Variants in USH2A observed in about 807,000 individuals in gnomAD.
USH2A encodes Usher syndrome 2A (autosomal recessive, mild).
A neutral mutation model predicts 538.9 loss-of-function variants in USH2A; 443 were observed. That is an observed-to-expected ratio of 0.82 (90% CI 0.76 to 0.89). The LOEUF (loss-of-function observed/expected upper bound fraction) is 0.89, where lower values mean the gene tolerates loss of function less well. USH2A is among the 40% of genes least tolerant of loss of function. The pLI is 0.00. For missense variants in USH2A, 6,633 were observed against 6,324.8 expected (o/e 1.05, Z -1.65); for synonymous variants, 2,413 against 2,273.5 (o/e 1.06, Z -1.75).
At chr1:215,780,087 A>G in intron 54 of USH2A, 46 bp from the exon 55 acceptor site, 2 of 1,592,368 alleles carry the variant, frequency 1.3e-6, no homozygotes. Context: ...ATAGTGCACT[A>G]GCTATCCTGA....
At chr1:215,927,756 T>C (rs1216875255) in intron 38 of USH2A, among the ~76,000 whole-genome samples, 1 of 151,906 alleles carries the variant, frequency 6.6e-6, no homozygotes, top group East Asian at 1.9e-4. Flanking sequence ...CATGTACCCC[T>C]AAACATAATA....
At chr1:215,811,386 G>T (rs927663189) in intron 49 of USH2A, among the ~76,000 whole-genome samples, 1 of 151,940 alleles carries the variant, frequency 6.6e-6, no homozygotes, top group Non-Finnish European at 1.5e-5. Context: ...GGTGTTCAAC[G>T]TATTTTTCAC....
chr1:215,667,250 C>T (rs1468241887), intron 64 of USH2A, among the ~76,000 whole-genome samples: 1 of 152,166 alleles, frequency 6.6e-6, no homozygotes, highest in African/African-American at 2.4e-5. Context: ...TTAGAAGGTG[C>T]TTGTGATATC....
intron 37 of USH2A, among the ~76,000 whole-genome samples, chr1:215,944,448 G>GGA (rs1666710544): frequency 6.6e-6 from 1 of 151,996 alleles, no homozygotes; most frequent in Non-Finnish European, 1.5e-5. Context: ...TTTAAAGAGT[G>GGA]GAACAAAGCA....
At chr1:215,743,416 G>GTC in intron 58 of USH2A, 81 bp from the exon 59 acceptor site, 11 of 235,322 alleles carry the variant, frequency 4.7e-5, no homozygotes, top group Non-Finnish European at 5.7e-5. Flanking sequence ...GTGTGTGTGT[G>GTC]TATATATATA....
chr1:215,655,158 A>G (rs1657201611), intron 64 of USH2A, among the ~76,000 whole-genome samples: 1 of 152,166 alleles, frequency 6.6e-6, no homozygotes, highest in Non-Finnish European at 1.5e-5. Context: ...CGCTTTTTAC[A>G]CCCAATATTA....
At chr1:216,116,554 C>A (rs192030950) in intron 21 of USH2A, among the ~76,000 whole-genome samples, 8 of 152,126 alleles carry the variant, frequency 5.3e-5, no homozygotes. Flanking sequence ...CAGTGGATCC[C>A]AAGCAATTGG....
At chr1:215,836,083 T>C (rs1036697551) in intron 47 of USH2A, among the ~76,000 whole-genome samples, 1 of 152,112 alleles carries the variant, frequency 6.6e-6, no homozygotes, top group African/African-American at 2.4e-5. Flanking sequence ...GCTTAGACGT[T>C]ATTTTTAGTT....
chr1:216,129,485 A>G (rs2033324079), intron 21 of USH2A, among the ~76,000 whole-genome samples: 1 of 152,118 alleles, frequency 6.6e-6, no homozygotes, highest in Non-Finnish European at 1.5e-5. Context: ...AAAATAAAAT[A>G]CCTGGAATAA....
intron 10 of USH2A, among the ~76,000 whole-genome samples, chr1:216,290,443 A>G (rs1317083353): frequency 1.3e-5 from 2 of 152,140 alleles, no homozygotes; most frequent in African/African-American, 4.8e-5. Flanking sequence ...CGTGATTACT[A>G]TGTACCAAAT....
chr1:215,820,723 C>T (rs1459627127), intron 47 of USH2A, among the ~76,000 whole-genome samples: 5 of 151,610 alleles, frequency 3.3e-5, no homozygotes, highest in Non-Finnish European at 7.4e-5. Context: ...ATTAATCAAT[C>T]TATTCTTCCT....
chr1:216,065,394 T>TA (rs1481743954), intron 30 of USH2A, among the ~76,000 whole-genome samples: 6 of 152,208 alleles, frequency 3.9e-5, no homozygotes, highest in Admixed American at 3.3e-4. Context: ...TATATATTTT[T>TA]AAAAAATCAC....
chr1:215,939,748 A>G (rs962078023), intron 37 of USH2A, among the ~76,000 whole-genome samples: 7 of 152,068 alleles, frequency 4.6e-5, no homozygotes, highest in African/African-American at 1.7e-4. Flanking sequence ...AAGAATTTTA[A>G]TGCACCATAT....
chr1:216,249,200 A>G (rs937918299), intron 12 of USH2A, among the ~76,000 whole-genome samples: 1 of 152,120 alleles, frequency 6.6e-6, no homozygotes, highest in African/African-American at 2.4e-5. Context: ...AAATAACACT[A>G]GAAATAATAA....
At chr1:216,063,968 G>A (rs1198124453) in intron 30 of USH2A, among the ~76,000 whole-genome samples, 3 of 152,134 alleles carry the variant, frequency 2.0e-5, no homozygotes, top group African/African-American at 4.8e-5. Context: ...ACGAAATAAT[G>A]ATTTACTCAA....
At chr1:216,405,717 A>G (rs183368992) in intron 3 of USH2A, among the ~76,000 whole-genome samples, 41 of 152,304 alleles carry the variant, frequency 2.7e-4, no homozygotes, top group Non-Finnish European at 1.9e-4. Flanking sequence ...GTATGTTAAC[A>G]AAAACATCCA....
At chr1:215,635,704 C>T (rs527355865) in intron 69 of USH2A, among the ~76,000 whole-genome samples, 64 of 151,844 alleles carry the variant, frequency 4.2e-4, no homozygotes, top group Non-Finnish European at 6.2e-4. Flanking sequence ...TACAGGTGTG[C>T]GCCACTATGC....
intron 49 of USH2A, among the ~76,000 whole-genome samples, chr1:215,804,617 TA>T (rs1423298638): frequency 1.3e-5 from 2 of 148,464 alleles, no homozygotes; most frequent in East Asian, 4.1e-4. Context: ...TGGCGATCAT[TA>T]AAAAGTCAGG....
At chr1:216,008,043 G>A (rs188568695) in intron 32 of USH2A, among the ~76,000 whole-genome samples, 142 of 152,246 alleles carry the variant, frequency 9.3e-4, no homozygotes, top group Non-Finnish European at 1.8e-3. Context: ...AGGTACAATT[G>A]AAATGTTTTC....
Sources: allele counts gnomAD v4.1 joint callset (sites outside exome capture counted in the v4.1 genomes callset), GRCh38; gene constraint gnomAD v4.1.1; transcripts MANE v1.5; gene names NCBI Gene and HGNC (gene_info 2026-07-23, HGNC 2026-07-21).